The following VPS41 variants were observed in gnomAD, a reference collection of about 807,000 sequenced individuals.
VPS41 encodes the protein VPS41 subunit of HOPS complex.
VPS41 carries 85 observed loss-of-function variants against 130.9 expected under a neutral mutation model. The observed-to-expected ratio is 0.65, with a 90% CI of 0.55 to 0.78. The LOEUF is 0.78. Ranked by LOEUF, VPS41 falls within the 30% of genes least tolerant of loss-of-function variation. The pLI is 0.00. For synonymous variants in VPS41, 335 were observed against 332.9 expected, an observed-to-expected ratio of 1.01 and a Z score of -0.07; for missense variants, 874 against 1,018.7, an observed-to-expected ratio of 0.86 and a Z score of 1.93.
At chr7:38,781,558 T>C (rs1445628405) in intron 10 of VPS41, among the ~76,000 whole-genome samples, 1 of 152,242 alleles carries the variant, frequency 6.6e-6, no homozygotes, top group Non-Finnish European at 1.5e-5. Context: ...TCTCTAGTTT[T>C]ATTTTTTCCT....
At chr7:38,831,058 T>C (rs1407811664) in intron 4 of VPS41, among the ~76,000 whole-genome samples, 1 of 152,250 alleles carries the variant, frequency 6.6e-6, no homozygotes. Context: ...GACTTCCGGC[T>C]GAGAAGTCTA....
intron 3 of VPS41, among the ~76,000 whole-genome samples, chr7:38,864,669 C>T (rs1369617058): frequency 6.6e-6 from 1 of 152,014 alleles, no homozygotes; most frequent in East Asian, 1.9e-4. Flanking sequence ...TGCAAAATGG[C>T]CACAAATGTG....
At chr7:38,766,458 G>C (rs1382559976) in intron 15 of VPS41, among the ~76,000 whole-genome samples, 1 of 152,152 alleles carries the variant, frequency 6.6e-6, no homozygotes, top group Admixed American at 6.5e-5. Flanking sequence ...TGCTTATAAA[G>C]CAAACAGCTC....
At chr7:38,885,508 A>G (rs375500966) in intron 2 of VPS41, among the ~76,000 whole-genome samples, 2 of 152,160 alleles carry the variant, frequency 1.3e-5, no homozygotes, top group South Asian at 4.1e-4. Flanking sequence ...AATTCTACTC[A>G]GAAATAAATG....
intron 11 of VPS41, among the ~76,000 whole-genome samples, chr7:38,775,870 C>T (rs916891702): frequency 6.6e-6 from 1 of 151,920 alleles, no homozygotes; most frequent in African/African-American, 2.4e-5. Flanking sequence ...CACTTGCCTA[C>T]TTACTGTAAA....
chr7:38,879,389 G>T (rs942783647), intron 2 of VPS41, among the ~76,000 whole-genome samples: 1 of 152,078 alleles, frequency 6.6e-6, no homozygotes, highest in Non-Finnish European at 1.5e-5. Context: ...TGCTTGTTAG[G>T]GGCTGCTTCC....
At chr7:38,823,770 G>A (rs1339798263) in intron 5 of VPS41, among the ~76,000 whole-genome samples, 1 of 152,130 alleles carries the variant, frequency 6.6e-6, no homozygotes, top group African/African-American at 2.4e-5. Context: ...AAAACAGAAG[G>A]AATTTCATTT....
intron 4 of VPS41, among the ~76,000 whole-genome samples, chr7:38,852,229 AT>A (rs1350054649): frequency 6.6e-6 from 1 of 152,200 alleles, no homozygotes; most frequent in African/African-American, 2.4e-5. Flanking sequence ...ATCCAATCAG[AT>A]GGAGCTCTAG....
At chr7:38,797,318 A>T (rs1784641374) in intron 7 of VPS41, among the ~76,000 whole-genome samples, 1 of 152,218 alleles carries the variant, frequency 6.6e-6, no homozygotes, top group Non-Finnish European at 1.5e-5. Context: ...ATTTGACTCA[A>T]ATAATTGAAC....
chr7:38,871,689 G>C (rs1402772319), intron 2 of VPS41, among the ~76,000 whole-genome samples: 3 of 152,160 alleles, frequency 2.0e-5, no homozygotes, highest in Non-Finnish European at 4.4e-5. Context: ...AATCACAACA[G>C]AAGCCTATTC....
chr7:38,826,677 T>C (rs1785286127), intron 5 of VPS41, among the ~76,000 whole-genome samples: 1 of 152,048 alleles, frequency 6.6e-6, no homozygotes, highest in Non-Finnish European at 1.5e-5. Context: ...TGGGCTGAGG[T>C]AGAGAGAGGT....
rs372420015 is a variant in VPS41, at chr7:38,789,582, C to T, written c.784+219G>A. Reference sequence around the variant, plus strand: ...AGGAGTTCCATCTGCACTCTGAGAACGATGTGGAGGAACTGAAGGATGATG... The same window carrying T: ...AGGAGTTCCATCTGCACTCTGAGAATGATGTGGAGGAACTGAAGGATGATG... On this transcript the variant is annotated intron_variant, in intron 10 of 28. Transcript: ENST00000310301. Among the ~76,000 whole-genome samples, 64 of 152,100 alleles carry T rather than the reference C, an allele frequency of 4.2e-4. 2 individuals are homozygous for T. The South Asian group carries it at 0.012, about 29-fold the overall frequency.
Position 38,869,209 on chromosome 7 carries a change from A to G in VPS41, c.105T>C (p.Leu35=), listed in dbSNP as rs1584436834. ...GAAGTATTTCAGTTACCCCATTGGA[A>G]AGCCTTTCATACTTCAGCTTGGGTT... ...EEEPKLKYER[L]SNGVTEILQK... The change falls in exon 3 of 29, where the codon CTT becomes CTC. Residue 35 remains leucine, a synonymous_variant. Coordinates refer to ENST00000310301, the MANE Select transcript of VPS41 (RefSeq NM_014396.4). 4 of 1,612,948 alleles carry G rather than the reference A, an allele frequency of 2.5e-6. No individual in the cohort carries two copies. Among genetic ancestry groups the G allele is most frequent in the African/African-American group, 1.3e-5 (1 of 75,040 alleles).
At chr7:38,744,911 C>G (rs993228861) in intron 23 of VPS41, among the ~76,000 whole-genome samples, 3 of 152,200 alleles carry the variant, frequency 2.0e-5, no homozygotes, top group African/African-American at 7.2e-5. Context: ...CTGAGGTCAG[C>G]AGGGAAGTGA....
At chr7:38,889,107 TAA>T (rs34928108) in intron 2 of VPS41, among the ~76,000 whole-genome samples, 67 of 147,682 alleles carry the variant, frequency 4.5e-4, no homozygotes, top group East Asian at 1.6e-3. Flanking sequence ...AAGTATAATT[TAA>T]AAAAAAAAAA....
intron 2 of VPS41, among the ~76,000 whole-genome samples, chr7:38,873,237 G>A (rs1786411498): frequency 6.6e-6 from 1 of 151,708 alleles, no homozygotes; most frequent in Non-Finnish European, 1.5e-5. Context: ...TTTCTGACGG[G>A]TATCTTTTAT....
chr7:38,879,923 C>T (rs1281045620), intron 2 of VPS41, among the ~76,000 whole-genome samples: 1 of 151,282 alleles, frequency 6.6e-6, no homozygotes, highest in East Asian at 1.9e-4. Flanking sequence ...AGAAAATTAT[C>T]CAAAATCCTA....
chr7:38,798,796 C>A (rs887531972), intron 7 of VPS41, among the ~76,000 whole-genome samples: 3 of 152,038 alleles, frequency 2.0e-5, no homozygotes, highest in Non-Finnish European at 4.4e-5. Flanking sequence ...CCAATTCCCA[C>A]CTAGAAATGA....
intron 2 of VPS41, among the ~76,000 whole-genome samples, chr7:38,882,864 T>A (rs1029436267): frequency 4.6e-5 from 7 of 152,170 alleles, no homozygotes; most frequent in African/African-American, 1.7e-4. Context: ...TTCCTACTTA[T>A]CCTCCTTAGA....
Sources: gnomAD v4.1 joint callset for allele counts (sites outside exome capture counted in the v4.1 genomes callset) on GRCh38, gnomAD v4.1.1 for gene constraint, MANE v1.5 for transcripts, NCBI Gene and HGNC (gene_info 2026-07-23, HGNC 2026-07-21) for gene names.